POU2F1: variants seen among roughly 807,000 people sequenced by gnomAD.
The protein encoded by POU2F1 is POU class 2 homeobox 1, also known as POU domain, class 2, transcription factor 1.
Under a neutral mutation model 84.9 loss-of-function variants are expected in POU2F1, and 16 were observed. The ratio of observed to expected loss-of-function variants is 0.19; its 90% CI spans 0.13 to 0.29. POU2F1 has a LOEUF of 0.29. POU2F1 is among the 10% of genes least tolerant of loss of function. The pLI is 1.00. For synonymous variants in POU2F1, 368 were observed against 368.3 expected, an observed-to-expected ratio of 1.00 and a Z score of 0.01; for missense variants, 738 against 942.6, an observed-to-expected ratio of 0.78 and a Z score of 2.84.
chr1:167,256,366 T>C (rs1403630088), intron 1 of POU2F1, among the ~76,000 whole-genome samples: 2 of 133,046 alleles, frequency 1.5e-5, no homozygotes, highest in African/African-American at 2.7e-5. Context: ...AAATTTCTTC[T>C]TTTTTTTTTT....
At chr1:167,268,224 A>G (rs1050751521) in intron 1 of POU2F1, among the ~76,000 whole-genome samples, 14 of 152,212 alleles carry the variant, frequency 9.2e-5, no homozygotes, top group Non-Finnish European at 1.6e-4. Flanking sequence ...TATATTTTAT[A>G]CCTTATTTAT....
chr1:167,325,800 A>AAT lies in POU2F1; in HGVS notation c.62-6669_62-6668dup, dbSNP rs1321727648. On this transcript the variant is annotated intron_variant, in intron 1 of 15. Coordinates refer to ENST00000367866, the MANE Select transcript of POU2F1 (RefSeq NM_002697.4). ...GCTACTTGGGAGGCTGAGGCAGGAG[A>AAT]ATCGCTTGAAACTAGAAGGCAGAGG... Among the ~76,000 whole-genome samples the AAT allele has an allele frequency of 2.0e-5, 3 of 152,030 alleles. No homozygotes were observed. In the East Asian group the frequency reaches 5.8e-4, roughly 29 times the overall value.
chr1:167,317,206 T>C (rs1052457018), intron 1 of POU2F1, among the ~76,000 whole-genome samples: 2 of 152,182 alleles, frequency 1.3e-5, no homozygotes, highest in Non-Finnish European at 2.9e-5. Flanking sequence ...ACTCTAATAC[T>C]AGACAACAAT....
intron 1 of POU2F1, among the ~76,000 whole-genome samples, chr1:167,314,904 G>C (rs1300289108): frequency 6.6e-6 from 1 of 152,190 alleles, no homozygotes; most frequent in Non-Finnish European, 1.5e-5. Flanking sequence ...TTTAGATTAT[G>C]AGGGTGGATC....
intron 12 of POU2F1, among the ~76,000 whole-genome samples, chr1:167,400,653 C>G (rs1257320105): frequency 6.6e-6 from 1 of 152,210 alleles, no homozygotes; most frequent in Admixed American, 6.5e-5. Context: ...AAGAGACATA[C>G]AGTGGTCGTA....
intron 2 of POU2F1, among the ~76,000 whole-genome samples, chr1:167,361,401 T>C (rs1275741969): frequency 6.6e-6 from 1 of 152,184 alleles, no homozygotes; most frequent in African/African-American, 2.4e-5. Flanking sequence ...TAGATTTTAT[T>C]GAATGCTTTT....
chr1:167,248,076 T>C (rs1036669480), intron 1 of POU2F1, among the ~76,000 whole-genome samples: 11 of 152,250 alleles, frequency 7.2e-5, no homozygotes, highest in East Asian at 3.8e-4. Context: ...TAACCTGTTA[T>C]CAGATTTATT....
At chr1:167,229,266 A>T (rs1424107021) in intron 1 of POU2F1, among the ~76,000 whole-genome samples, 1 of 151,960 alleles carries the variant, frequency 6.6e-6, no homozygotes, top group Non-Finnish European at 1.5e-5. Flanking sequence ...TTTTGAGTTT[A>T]GGTTATCCAG....
chr1:167,306,157 T>C (rs1655050536), intron 1 of POU2F1, among the ~76,000 whole-genome samples: 1 of 152,210 alleles, frequency 6.6e-6, no homozygotes, highest in South Asian at 2.1e-4. Flanking sequence ...GGGACTGCTG[T>C]ATAGTGTTCA....
chr1:167,222,033 C>T (rs1422499324), intron 1 of POU2F1, among the ~76,000 whole-genome samples: 9 of 152,160 alleles, frequency 5.9e-5, no homozygotes, highest in African/African-American at 2.2e-4. Context: ...CCTCCGTTCC[C>T]CCCACCCCCT....
At chr1:167,339,446 T>G (rs532537229) in intron 2 of POU2F1, among the ~76,000 whole-genome samples, 1 of 152,314 alleles carries the variant, frequency 6.6e-6, no homozygotes, top group Non-Finnish European at 1.5e-5. Context: ...AGTAAAGAAG[T>G]TGTTTGAAGT....
chr1:167,225,984 C>A (rs528710071), intron 1 of POU2F1, among the ~76,000 whole-genome samples: 18 of 152,228 alleles, frequency 1.2e-4, no homozygotes, highest in African/African-American at 3.9e-4. Flanking sequence ...GCTATGAAGC[C>A]TGATTTTAAG....
chr1:167,249,555 G>A (rs889804176), intron 1 of POU2F1, among the ~76,000 whole-genome samples: 6 of 152,222 alleles, frequency 3.9e-5, no homozygotes, highest in Non-Finnish European at 1.5e-5. Flanking sequence ...AGTCTTGACA[G>A]GAATGTCATT....
chr1:167,229,935 A>G (rs1237394190), intron 1 of POU2F1, among the ~76,000 whole-genome samples: 1 of 152,212 alleles, frequency 6.6e-6, no homozygotes, highest in Non-Finnish European at 1.5e-5. Flanking sequence ...TTGCCTATGC[A>G]TTATTATCTT....
In POU2F1 at chr1:167,338,521, A is replaced by C. The variant is rs76260310; in HGVS notation, c.127+5986A>C. On this transcript the variant is annotated intron_variant, in intron 2 of 15. Coordinates refer to ENST00000367866, the MANE Select transcript of POU2F1 (RefSeq NM_002697.4). ...TTTCTGTAGCCTAGATCAGCAGTCC[A>C]AACTCAGGAATGAAGAAAATGGAAC... Among the ~76,000 whole-genome samples, 826 of 152,312 alleles carry C rather than the reference A, an allele frequency of 5.4e-3. 5 individuals are homozygous for C. The highest frequency in any genetic ancestry group is 8.1e-3 in the Non-Finnish European group (552 of 68,030).
At chr1:167,233,550 T>G (rs1209779315) in intron 1 of POU2F1, among the ~76,000 whole-genome samples, 3 of 152,204 alleles carry the variant, frequency 2.0e-5, no homozygotes, top group Non-Finnish European at 4.4e-5. Flanking sequence ...CTATACCATA[T>G]AGCTTAGGTA....
chr1:167,291,897 T>C (rs1259596135), intron 1 of POU2F1, among the ~76,000 whole-genome samples: 1 of 152,174 alleles, frequency 6.6e-6, no homozygotes. Flanking sequence ...GTGCTCTCTT[T>C]TGTCTCTAGT....
Position 167,416,087 on chromosome 1 carries a change from TAA to T in POU2F1, c.*295_*296del, listed in dbSNP as rs34032944. ...ATTGGAGAACTTTCTAACCAAAAAT[TAA>T]AAAAAAAAAAAAAAAAAGAAACAAA... On this transcript the variant is annotated 3_prime_UTR_variant, in exon 16 of 16. Coordinates refer to ENST00000367866, the MANE Select transcript of POU2F1 (RefSeq NM_002697.4). The T allele has an allele frequency of 0.15, 51,739 of 343,704 alleles. 43 individuals carry two copies. Among genetic ancestry groups the T allele is most frequent in the South Asian group, 0.2 (9,216 of 45,628 alleles). The allele number at this position is 343,704 out of a possible 1,614,324, so 21.3% of individuals were successfully genotyped here.
chr1:167,221,816 G>A (rs943674783), intron 1 of POU2F1, among the ~76,000 whole-genome samples: 8 of 151,956 alleles, frequency 5.3e-5, no homozygotes, highest in Admixed American at 3.3e-4. Flanking sequence ...AGGGGTCTGC[G>A]TGCCCCCCCT....
Sources: allele counts gnomAD v4.1 joint callset (sites outside exome capture counted in the v4.1 genomes callset), GRCh38; gene constraint gnomAD v4.1.1; transcripts MANE v1.5; gene names NCBI Gene and HGNC (gene_info 2026-07-23, HGNC 2026-07-21).